KLHL24: variants seen among roughly 807,000 people sequenced by gnomAD.
KLHL24 encodes the protein kelch like family member 24.
KLHL24 carries 29 observed loss-of-function variants against 53.4 expected under a neutral mutation model. The observed-to-expected ratio is 0.54, with a 90% confidence interval of 0.40 to 0.74. The LOEUF (loss-of-function observed/expected upper bound fraction) is 0.74. KLHL24 is among the 30% of genes least tolerant of loss of function. KLHL24 has a pLI of 0.00. For synonymous variants in KLHL24, 222 were observed against 253.7 expected (o/e 0.88, Z 1.19); for missense variants, 504 against 744.0 (o/e 0.68, Z 3.75).
At chr3:183,653,406 T>G (rs985288869) in intron 3 of KLHL24, among the ~76,000 whole-genome samples, 1 of 152,194 alleles carries the variant, frequency 6.6e-6, no homozygotes, top group African/African-American at 2.4e-5. Flanking sequence ...GGCCACCAAC[T>G]TAGTGGATTA....
chr3:183,640,383 A>G (rs1348565506), intron 1 of KLHL24, among the ~76,000 whole-genome samples: 1 of 152,138 alleles, frequency 6.6e-6, no homozygotes, highest in Non-Finnish European at 1.5e-5. Context: ...TAGTTAAAGA[A>G]CCATATTGTT....
chr3:183,651,523 C>G (rs1291035212), intron 3 of KLHL24, among the ~76,000 whole-genome samples: 3 of 152,188 alleles, frequency 2.0e-5, no homozygotes, highest in Non-Finnish European at 4.4e-5. Flanking sequence ...TGCAACTGTG[C>G]ATATCTCAAC....
intron 1 of KLHL24, among the ~76,000 whole-genome samples, chr3:183,640,608 T>TTTTTTTC (rs1716258091): frequency 3.3e-5 from 2 of 60,716 alleles, no homozygotes; most frequent in African/African-American, 5.0e-4. Context: ...TTCTTTTTTT[T>TTTTTTTC]TTTTTTTTTG....
At position 183,643,495 on chromosome 3, in the gene KLHL24, G is replaced by A. The variant is rs1400332066; in HGVS notation, c.-109G>A. The A allele has an allele frequency of 6.6e-6, 1 of 152,140 alleles. No homozygotes were observed. 9.4% of individuals were successfully genotyped at this position (152,140 alleles called of 1,614,324 possible). On this transcript the variant is annotated 5_prime_UTR_variant, in exon 2 of 8. Transcript: ENST00000242810. The stretch of plus-strand genomic sequence containing the variant: ...TTTATTTTAGGTGTGGAAATTAAAA[G>A]AACACACATATTTTGACTGGGGCTT...
intron 2 of KLHL24, among the ~76,000 whole-genome samples, chr3:183,646,437 A>G (rs1717261143): frequency 6.6e-6 from 1 of 151,326 alleles, no homozygotes; most frequent in African/African-American, 2.4e-5. Flanking sequence ...TGAAAATATT[A>G]TTTATTTCAC....
chr3:183,654,612 C>T (rs745632499), intron 3 of KLHL24, among the ~76,000 whole-genome samples: 10 of 151,974 alleles, frequency 6.6e-5, no homozygotes, highest in Admixed American at 1.3e-4. Context: ...TTATCTAATA[C>T]GCAATCTGTA....
In KLHL24 at chr3:183,683,238, T is replaced by C. The variant is rs998630658; in HGVS notation, c.*3952T>C. The C allele has an allele frequency of 1.3e-5, 2 of 152,854 alleles. No homozygotes were observed. The highest frequency in any genetic ancestry group is 4.8e-5 in the African/African-American group (2 of 41,446). The allele number at this position is 152,854 out of a possible 1,614,324, so 9.5% of individuals were successfully genotyped here. On this transcript the variant is annotated 3_prime_UTR_variant, in exon 8 of 8. Transcript: ENST00000242810. Reference sequence around the variant, plus strand: ...TGAGCCACCACCCCCGGCCTGTATTTTCAGAGAGGAGAGCTTGGTGTTTTT... The same window carrying C: ...TGAGCCACCACCCCCGGCCTGTATTCTCAGAGAGGAGAGCTTGGTGTTTTT...
At chr3:183,644,625 C>T (rs1480868913) in intron 2 of KLHL24, among the ~76,000 whole-genome samples, 3 of 152,052 alleles carry the variant, frequency 2.0e-5, no homozygotes, top group Admixed American at 6.5e-5. Flanking sequence ...AGAGGAAGAC[C>T]TCTTTTGTCA....
chr3:183,666,984 A>G (rs139748646), intron 5 of KLHL24, among the ~76,000 whole-genome samples: 117 of 152,292 alleles, frequency 7.7e-4, no homozygotes, highest in African/African-American at 2.5e-3. Flanking sequence ...TTGCTGTCTC[A>G]TAGGCCCTCC....
intron 3 of KLHL24, among the ~76,000 whole-genome samples, chr3:183,658,367 A>G (rs2056424403): frequency 6.6e-6 from 1 of 152,072 alleles, no homozygotes; most frequent in Non-Finnish European, 1.5e-5. Flanking sequence ...CATAGATCTC[A>G]TTATTATTAC....
At position 183,678,338 on chromosome 3, in the gene KLHL24, A is replaced by G. The variant is rs116551943; in HGVS notation, c.1603-748A>G. Reference sequence around the variant, plus strand: ...ATTTTTGGGTAATCCCATATAATGAATATTGTTCCTACTCCTTGGTCATGT... The same window carrying G: ...ATTTTTGGGTAATCCCATATAATGAGTATTGTTCCTACTCCTTGGTCATGT... On this transcript the variant is annotated intron_variant, in intron 7 of 7. Coordinates refer to ENST00000242810, the MANE Select transcript of KLHL24 (RefSeq NM_017644.3). 4.3e-3 allele frequency among the ~76,000 whole-genome samples: 662 copies of G among 152,240 alleles called. 2 individuals carry two copies. The highest frequency in any genetic ancestry group is 7.6e-3 in the Non-Finnish European group (519 of 68,012).
At chr3:183,664,094 A>C (rs3772706) in intron 4 of KLHL24, 50,935 of 151,972 alleles carry the variant, frequency 0.34, 9,392 homozygotes, top group African/African-American at 0.49. Flanking sequence ...CCGCCTCAAA[A>C]ACAAAAAACA....
chr3:183,653,755 T>C (rs1312367083), intron 3 of KLHL24, among the ~76,000 whole-genome samples: 1 of 152,152 alleles, frequency 6.6e-6, no homozygotes, highest in Admixed American at 6.5e-5. Flanking sequence ...CATACTTGCT[T>C]TTGGAACCCA....
Position 183,650,048 on chromosome 3 carries a change from C to T in KLHL24, c.-61-248C>T, listed in dbSNP as rs1255995066. Among the ~76,000 whole-genome samples, 1 of 152,052 alleles carries T rather than the reference C, an allele frequency of 6.6e-6. No homozygotes were observed. Among genetic ancestry groups the T allele is most frequent in the Non-Finnish European group, 1.5e-5 (1 of 68,004 alleles). On this transcript the variant is annotated intron_variant, in intron 2 of 7. Coordinates refer to ENST00000242810, the MANE Select transcript of KLHL24 (RefSeq NM_017644.3). This position sits in a 1 kb window ranked among gnomAD's most constrained non-coding sequence, Gnocchi z 4.5. ...GAAACGGAAGGTTATTAGTAACTCA[C>T]GAAGTACATAGTATCCTTTCAGCTA...
At chr3:183,640,976 G>C (rs1026562349) in intron 1 of KLHL24, among the ~76,000 whole-genome samples, 1 of 152,142 alleles carries the variant, frequency 6.6e-6, no homozygotes, top group Non-Finnish European at 1.5e-5. Context: ...AAAATAGCTT[G>C]AAGGCTGGGC....
At chr3:183,670,151 G>A (rs1205105659) in intron 5 of KLHL24, among the ~76,000 whole-genome samples, 7 of 152,066 alleles carry the variant, frequency 4.6e-5, no homozygotes, top group Non-Finnish European at 2.9e-5. Context: ...TGTGGTTTCA[G>A]CTACTTGGGA....
At chr3:183,677,408 T>G (rs1276771002) in intron 7 of KLHL24, among the ~76,000 whole-genome samples, 1 of 152,180 alleles carries the variant, frequency 6.6e-6, no homozygotes, top group African/African-American at 2.4e-5. Flanking sequence ...GGTGTGGTAT[T>G]CTGAATTAAA....
At chr3:183,647,540 G>A (rs898210290) in intron 2 of KLHL24, among the ~76,000 whole-genome samples, 5 of 151,904 alleles carry the variant, frequency 3.3e-5, no homozygotes, top group East Asian at 3.9e-4. Context: ...GTGAAACCCC[G>A]TCTCTACTAA....
chr3:183,646,646 C>T (rs1314277959), intron 2 of KLHL24, among the ~76,000 whole-genome samples: 1 of 152,098 alleles, frequency 6.6e-6, no homozygotes, highest in Non-Finnish European at 1.5e-5. Context: ...CAGAGAAAAT[C>T]CTATCACCTA....
Sources: allele counts gnomAD v4.1 joint callset (sites outside exome capture counted in the v4.1 genomes callset), GRCh38; gene constraint gnomAD v4.1.1; non-coding constraint Gnocchi (gnomAD v3.1); transcripts MANE v1.5; gene names NCBI Gene and HGNC (gene_info 2026-07-23, HGNC 2026-07-21).